The following KCNB2 variants were observed in gnomAD, a reference collection of about 807,000 sequenced individuals.
KCNB2 encodes the protein potassium voltage-gated channel subfamily B member 2, also known as delayed rectifier potassium channel protein.
In KCNB2, 15 loss-of-function variants were observed where a neutral mutation model predicts 61.5. The observed-to-expected ratio is 0.24, with a 90% confidence interval of 0.16 to 0.38. The LOEUF is 0.38. Among genes scored for constraint, KCNB2 ranks in the 10% least tolerant of loss-of-function variants. The pLI is 1.00. For missense variants in KCNB2, 828 were observed against 1,125.2 expected (o/e 0.74, Z 3.78); for synonymous variants, 457 against 446.0 (o/e 1.02, Z -0.31).
In KCNB2 at chr8:72,935,726, AG is replaced by A. The variant is rs1246939853; in HGVS notation, c.580-203del. ...TGTTCCTAAGAACAATGAGTGCGGA[AG>A]GGGGGAATGGAATTTAAATATACAT... is the stretch of plus-strand genomic sequence containing the variant. On this transcript the variant is annotated intron_variant, in intron 2 of 2. Coordinates refer to ENST00000523207, the MANE Select transcript of KCNB2 (RefSeq NM_004770.3). 7.2e-5 allele frequency among the ~76,000 whole-genome samples: 11 copies of A among 152,310 alleles called. No individual in the cohort carries two copies. The East Asian group carries it at 2.1e-3, about 29-fold the overall frequency.
intron 2 of KCNB2, among the ~76,000 whole-genome samples, chr8:72,725,591 G>GTATATATA (rs60157669): frequency 3.5e-4 from 18 of 51,932 alleles, no homozygotes; most frequent in Middle Eastern, 0.011. Context: ...ATATATGTAT[G>GTATATATA]TATATATATA....
At chr8:72,583,948 C>CA (rs71566823) in intron 2 of KCNB2, among the ~76,000 whole-genome samples, 31,113 of 100,424 alleles carry the variant, frequency 0.31, 4,408 homozygotes, top group Non-Finnish European at 0.39. Flanking sequence ...AATAGAATAT[C>CA]AAAAAAAAAA....
intron 2 of KCNB2, among the ~76,000 whole-genome samples, chr8:72,683,869 C>T (rs2256148): frequency 0.71 from 107,736 of 151,964 alleles, 39,092 homozygotes; most frequent in African/African-American, 0.85. Context: ...TAGGAGGCCA[C>T]GGAAGATGGG....
At chr8:72,848,905 A>G (rs1314443094) in intron 2 of KCNB2, among the ~76,000 whole-genome samples, 2 of 151,978 alleles carry the variant, frequency 1.3e-5, no homozygotes, top group African/African-American at 4.8e-5. Flanking sequence ...TGTTTTCACT[A>G]GAATATCTCA....
intron 2 of KCNB2, among the ~76,000 whole-genome samples, chr8:72,862,051 A>T (rs932287880): frequency 2.0e-5 from 3 of 152,190 alleles, no homozygotes; most frequent in Non-Finnish European, 4.4e-5. Flanking sequence ...GCACAACTGT[A>T]GTCCCAGCTA....
intron 2 of KCNB2, among the ~76,000 whole-genome samples, chr8:72,859,103 A>G (rs918893525): frequency 3.3e-5 from 5 of 152,186 alleles, no homozygotes; most frequent in Non-Finnish European, 7.3e-5. Context: ...CATCAGTCTC[A>G]GAGAGAGTAG....
intron 2 of KCNB2, among the ~76,000 whole-genome samples, chr8:72,887,255 C>T (rs913446734): frequency 6.6e-6 from 1 of 152,188 alleles, no homozygotes; most frequent in Admixed American, 6.5e-5. Context: ...ACACCTTGTA[C>T]AGTTTTCTAC....
intron 2 of KCNB2, among the ~76,000 whole-genome samples, chr8:72,575,772 G>A (rs1319981946): frequency 1.3e-5 from 2 of 152,130 alleles, no homozygotes; most frequent in East Asian, 3.8e-4. Context: ...AATAGAACTA[G>A]AAGAAATGTA....
chr8:72,701,230 T>G (rs960036109), intron 2 of KCNB2, among the ~76,000 whole-genome samples: 1 of 152,022 alleles, frequency 6.6e-6, no homozygotes, highest in African/African-American at 2.4e-5. Flanking sequence ...AAAATAAAAG[T>G]TAAAATTATT....
At chr8:72,782,714 A>G (rs1808782574) in intron 2 of KCNB2, among the ~76,000 whole-genome samples, 1 of 152,028 alleles carries the variant, frequency 6.6e-6, no homozygotes, top group Non-Finnish European at 1.5e-5. Context: ...TCCCTCAAAT[A>G]ATTTTCCCAA....
At chr8:72,634,386 G>A (rs1805933002) in intron 2 of KCNB2, among the ~76,000 whole-genome samples, 1 of 152,126 alleles carries the variant, frequency 6.6e-6, no homozygotes, top group African/African-American at 2.4e-5. Flanking sequence ...TAATTATCGA[G>A]TCTGAGATGA....
At chr8:72,920,488 T>TATATATATA (rs57048446) in intron 2 of KCNB2, among the ~76,000 whole-genome samples, 62 of 137,174 alleles carry the variant, frequency 4.5e-4, no homozygotes, top group East Asian at 8.0e-4. Context: ...TATATATATA[T>TATATATATA]TAGCTGGCCA....
At chr8:72,909,087 G>A (rs1165813318) in intron 2 of KCNB2, among the ~76,000 whole-genome samples, 1 of 152,120 alleles carries the variant, frequency 6.6e-6, no homozygotes, top group Non-Finnish European at 1.5e-5. Context: ...TTTAATTGAT[G>A]TGGATATGGC....
intron 2 of KCNB2, among the ~76,000 whole-genome samples, chr8:72,887,856 C>G (rs553905722): frequency 3.3e-5 from 5 of 152,310 alleles, no homozygotes; most frequent in African/African-American, 1.2e-4. Flanking sequence ...CAGAAAGGAG[C>G]TTGGAATGTG....
intron 2 of KCNB2, among the ~76,000 whole-genome samples, chr8:72,908,711 A>G (rs1288644030): frequency 6.6e-6 from 1 of 152,248 alleles, no homozygotes; most frequent in Non-Finnish European, 1.5e-5. Flanking sequence ...CAACAGCTGC[A>G]GAGCAGCAGG....
At chr8:72,929,738 G>A (rs1014040743) in intron 2 of KCNB2, among the ~76,000 whole-genome samples, 9 of 152,078 alleles carry the variant, frequency 5.9e-5, no homozygotes, top group African/African-American at 1.2e-4. Context: ...CCAACATCAC[G>A]CAGTTAATTG....
At position 72,761,100 on chromosome 8, in the gene KCNB2, C is replaced by A. The variant is rs568239322; in HGVS notation, c.580-174835C>A. On this transcript the variant is annotated intron_variant, in intron 2 of 2. Coordinates refer to ENST00000523207, the MANE Select transcript of KCNB2 (RefSeq NM_004770.3). ...CAGCAGCAGCCCAGAGGGTAAGCTT[C>A]CAATTGTCCTTGATAGTTTAGCCTA... 4.6e-5 allele frequency among the ~76,000 whole-genome samples: 7 copies of A among 152,286 alleles called. No homozygotes were observed. In the East Asian group the frequency reaches 1.4e-3, roughly 29 times the overall value.
At chr8:72,749,730 A>G (rs1808153735) in intron 2 of KCNB2, among the ~76,000 whole-genome samples, 1 of 146,950 alleles carries the variant, frequency 6.8e-6, no homozygotes, top group Non-Finnish European at 1.5e-5. Context: ...TATATAATAT[A>G]ATACATATTA....
chr8:72,933,007 T>C (rs1806821400), intron 2 of KCNB2, among the ~76,000 whole-genome samples: 1 of 152,170 alleles, frequency 6.6e-6, no homozygotes, highest in Non-Finnish European at 1.5e-5. Context: ...TGAGAGCAAA[T>C]GGGTTTTGAC....
Sources: allele counts gnomAD v4.1 joint callset (sites outside exome capture counted in the v4.1 genomes callset), GRCh38; gene constraint gnomAD v4.1.1; transcripts MANE v1.5; gene names NCBI Gene and HGNC (gene_info 2026-07-23, HGNC 2026-07-21).